Variants in FAF1 observed in about 807,000 individuals in gnomAD.
The protein encoded by FAF1 is FAS-associated factor 1.
In FAF1, 25 loss-of-function variants were observed where a neutral mutation model predicts 92.5. The observed-to-expected ratio is 0.27, with a 90% CI of 0.20 to 0.38. The LOEUF is 0.38. Among genes scored for constraint, FAF1 ranks in the 10% least tolerant of loss-of-function variants. The probability of loss-of-function intolerance (pLI) is 1.00; values close to 1 mark genes in which losing one functional copy is unlikely to be tolerated. For synonymous variants in FAF1, 234 were observed against 273.2 expected (o/e 0.86, Z 1.42); for missense variants, 636 against 793.3 (o/e 0.80, Z 2.38).
At chr1:50,669,897 G>A (rs929816151) in intron 7 of FAF1, among the ~76,000 whole-genome samples, 19 of 152,120 alleles carry the variant, frequency 1.2e-4, no homozygotes, top group Admixed American at 6.5e-5. Flanking sequence ...CAAGGCGGGC[G>A]GATCACTTGA....
chr1:50,748,277 A>C (rs1412746983), intron 4 of FAF1, among the ~76,000 whole-genome samples: 6 of 151,384 alleles, frequency 4.0e-5, no homozygotes, highest in African/African-American at 1.5e-4. Flanking sequence ...AGGCAGATCA[A>C]CTGAGGTCAG....
chr1:50,781,697 G>C (rs1250081502), intron 4 of FAF1, among the ~76,000 whole-genome samples: 1 of 152,146 alleles, frequency 6.6e-6, no homozygotes, highest in Middle Eastern at 3.2e-3. Flanking sequence ...TATCACAGCA[G>C]AATACACACT....
intron 6 of FAF1, among the ~76,000 whole-genome samples, chr1:50,723,169 G>A (rs886160038): frequency 1.3e-5 from 2 of 152,166 alleles, no homozygotes; most frequent in Admixed American, 6.6e-5. Flanking sequence ...GGGAGGCCAA[G>A]ATGGGTGGAC....
At chr1:50,911,256 G>C (rs1470572553) in intron 1 of FAF1, among the ~76,000 whole-genome samples, 1 of 151,498 alleles carries the variant, frequency 6.6e-6, no homozygotes, top group African/African-American at 2.4e-5. Flanking sequence ...ATTTTTAGTA[G>C]AGATGGGGTT....
intron 7 of FAF1, among the ~76,000 whole-genome samples, chr1:50,658,793 T>C (rs937023546): frequency 6.6e-6 from 1 of 152,246 alleles, no homozygotes; most frequent in African/African-American, 2.4e-5. Context: ...AAAGGCTAAA[T>C]TCACAGAGTA....
intron 4 of FAF1, among the ~76,000 whole-genome samples, chr1:50,750,034 G>T (rs1331684960): frequency 6.6e-6 from 1 of 152,120 alleles, no homozygotes; most frequent in Non-Finnish European, 1.5e-5. Flanking sequence ...GGGCAGTATA[G>T]GTTCTCAAAA....
intron 4 of FAF1, among the ~76,000 whole-genome samples, chr1:50,775,702 T>A (rs2124553124): frequency 6.6e-6 from 1 of 151,758 alleles, no homozygotes; most frequent in South Asian, 2.1e-4. Context: ...CATATGGAAA[T>A]CAGGGGAATT....
rs530403367 is a variant in FAF1 at position 50,557,861 on chromosome 1, T to A, written c.1268+9216A>T. 2.6e-5 allele frequency among the ~76,000 whole-genome samples: 4 copies of A among 152,154 alleles called. No individual in the cohort carries two copies. In the South Asian group the frequency reaches 8.3e-4, roughly 32 times the overall value. The stretch of plus-strand genomic sequence containing the variant: ...ATTTCAGGCAAGAAGAAAAGCAAAA[T>A]ACACGATGGCATATATATATTTAAG... On this transcript the variant is annotated intron_variant, in intron 13 of 18. Coordinates refer to ENST00000396153, the MANE Select transcript of FAF1 (RefSeq NM_007051.3).
At chr1:50,873,754 G>T (rs1644547444) in intron 1 of FAF1, among the ~76,000 whole-genome samples, 1 of 152,190 alleles carries the variant, frequency 6.6e-6, no homozygotes, top group Admixed American at 6.5e-5. Flanking sequence ...TCGGCACACT[G>T]CCTATAGGTT....
At chr1:50,940,039 T>C (rs1461009480) in intron 1 of FAF1, among the ~76,000 whole-genome samples, 2 of 152,110 alleles carry the variant, frequency 1.3e-5, no homozygotes. Flanking sequence ...GCCTCCCGAG[T>C]AGCTGGGACT....
intron 6 of FAF1, among the ~76,000 whole-genome samples, chr1:50,733,487 T>C (rs1321721057): frequency 2.6e-5 from 4 of 152,208 alleles, no homozygotes; most frequent in Admixed American, 2.6e-4. Flanking sequence ...TAACACCCAC[T>C]GTGACTGTAC....
chr1:50,716,946 C>G (rs1320344011), intron 6 of FAF1, among the ~76,000 whole-genome samples: 1 of 152,170 alleles, frequency 6.6e-6, no homozygotes, highest in Non-Finnish European at 1.5e-5. Context: ...TCTGCACCAC[C>G]TTTAAGAGCT....
At chr1:50,709,929 A>G (rs780477885) in intron 6 of FAF1, among the ~76,000 whole-genome samples, 3 of 152,190 alleles carry the variant, frequency 2.0e-5, no homozygotes, top group Admixed American at 6.5e-5. Flanking sequence ...GATATGGAGG[A>G]TGATTTCAGA....
intron 4 of FAF1, chr1:50,780,686 T>C (rs1165786629): frequency 7.3e-6 from 2 of 274,000 alleles, no homozygotes; most frequent in Non-Finnish European, 1.5e-5. Context: ...ATGATGAGCA[T>C]GTGCTGCCAC....
At chr1:50,777,928 T>G (rs1661024011) in intron 4 of FAF1, among the ~76,000 whole-genome samples, 1 of 152,148 alleles carries the variant, frequency 6.6e-6, no homozygotes, top group South Asian at 2.1e-4. Flanking sequence ...CAAACATATA[T>G]CTTCACGCTA....
At chr1:50,625,776 C>G (rs1569613846) in intron 8 of FAF1, among the ~76,000 whole-genome samples, 1 of 152,010 alleles carries the variant, frequency 6.6e-6, no homozygotes, top group East Asian at 1.9e-4. Context: ...CAAATATGTT[C>G]CATTAAGGAG....
intron 7 of FAF1, among the ~76,000 whole-genome samples, chr1:50,697,932 A>G (rs758547989): frequency 6.6e-6 from 1 of 152,234 alleles, no homozygotes; most frequent in Non-Finnish European, 1.5e-5. Flanking sequence ...CCTTAACTGT[A>G]TAACACTGAG....
At chr1:50,515,362 T>A (rs1463473983) in intron 15 of FAF1, among the ~76,000 whole-genome samples, 1 of 152,176 alleles carries the variant, frequency 6.6e-6, no homozygotes, top group Non-Finnish European at 1.5e-5. Flanking sequence ...CTAAAGCCTA[T>A]GTTCTTTCCA....
intron 2 of FAF1, among the ~76,000 whole-genome samples, chr1:50,815,707 T>A (rs961192386): frequency 4.6e-5 from 7 of 152,200 alleles, no homozygotes; most frequent in African/African-American, 1.7e-4. Flanking sequence ...TTCATCAGCA[T>A]CTGTTATTTT....
Sources: allele counts gnomAD v4.1 joint callset (sites outside exome capture counted in the v4.1 genomes callset), GRCh38; gene constraint gnomAD v4.1.1; transcripts MANE v1.5; gene names NCBI Gene and HGNC (gene_info 2026-07-23, HGNC 2026-07-21).